FBN2: variants seen among roughly 807,000 people sequenced by gnomAD.
The protein encoded by FBN2 is fibrillin 2, also known as fibrillin-2.
Under a neutral mutation model 355.6 loss-of-function variants are expected in FBN2, and 105 were observed. The ratio of observed to expected loss-of-function variants is 0.30; its 90% CI spans 0.25 to 0.35. The LOEUF is 0.35. FBN2 is among the 10% of genes least tolerant of loss of function. The pLI is 1.00. For missense variants in FBN2, 3,280 were observed against 3,758.7 expected (o/e 0.87, Z 3.33); for synonymous variants, 1,350 against 1,301.2 (o/e 1.04, Z -0.81).
intron 5 of FBN2, among the ~76,000 whole-genome samples, chr5:128,506,650 A>C (rs1755970189): frequency 6.6e-6 from 1 of 152,102 alleles, no homozygotes; most frequent in Non-Finnish European, 1.5e-5. Flanking sequence ...ATTTCTTTGT[A>C]TTGCCTATTG....
intron 6 of FBN2, among the ~76,000 whole-genome samples, chr5:128,447,618 C>T (rs942658163): frequency 2.0e-4 from 30 of 152,214 alleles, no homozygotes; most frequent in Admixed American, 9.2e-4. Flanking sequence ...CCCGGTCCTG[C>T]GATCTTGCCC....
intron 5 of FBN2, among the ~76,000 whole-genome samples, chr5:128,506,450 C>T (rs1162812826): frequency 6.6e-6 from 1 of 152,070 alleles, no homozygotes. Context: ...TTGTTTTCAA[C>T]TTAGATTTTC....
intron 5 of FBN2, among the ~76,000 whole-genome samples, chr5:128,484,757 G>T (rs1248779028): frequency 6.6e-6 from 1 of 152,156 alleles, no homozygotes; most frequent in Admixed American, 6.6e-5. Flanking sequence ...CACAGAGAGA[G>T]GTATGAAAGG....
intron 11 of FBN2, among the ~76,000 whole-genome samples, chr5:128,381,512 C>A (rs562131547): frequency 6.6e-6 from 1 of 152,168 alleles, no homozygotes; most frequent in African/African-American, 2.4e-5. Flanking sequence ...TAATTAATAT[C>A]CTCTTCACTT....
chr5:128,332,076 C>A (rs1259536702), intron 32 of FBN2, among the ~76,000 whole-genome samples: 1 of 152,058 alleles, frequency 6.6e-6, no homozygotes, highest in Non-Finnish European at 1.5e-5. Flanking sequence ...AGTACATAAA[C>A]TTTTGATAAG....
At chr5:128,393,503 C>A in intron 9 of FBN2, 135 bp from the exon 10 acceptor site, 1 of 706,116 alleles carries the variant, frequency 1.4e-6, no homozygotes, top group South Asian at 1.7e-5. Flanking sequence ...TATCTCAATA[C>A]ATGTTTTTAA....
In FBN2 at chr5:128,309,293, G is replaced by A; in HGVS notation, c.5307C>T (p.Gly1769=). The A allele has an allele frequency of 1.2e-6, 2 of 1,614,096 alleles. No individual in the cohort carries two copies. The highest frequency in any genetic ancestry group is 1.3e-5 in the African/African-American group (1 of 75,044). The change falls in exon 41 of 65, where the codon GGC becomes GGT. Residue 1769 remains glycine, a synonymous_variant. Transcript: ENST00000262464. ...KRMCCCTYNV[G]KAWNKPCEPC... is the part of the protein sequence containing the mutation. ...GTTCACAAGGTTTGTTCCAGGCTTT[G>A]CCCACATTATATGTGCAGCAGCACA...
At chr5:128,441,401 T>C (rs568220273) in intron 7 of FBN2, among the ~76,000 whole-genome samples, 3 of 152,252 alleles carry the variant, frequency 2.0e-5, no homozygotes, top group South Asian at 4.1e-4. Context: ...AGCAAAAGCT[T>C]TGGAGTCAAT....
At chr5:128,334,983 A>T in intron 30 of FBN2, 139 bp from the exon 31 acceptor site, 1 of 1,150,822 alleles carries the variant, frequency 8.7e-7, no homozygotes. Context: ...CGTGTTATAG[A>T]TAAATATACA....
intron 8 of FBN2, among the ~76,000 whole-genome samples, chr5:128,395,591 G>A (rs1201777617): frequency 6.6e-6 from 1 of 152,214 alleles, no homozygotes; most frequent in African/African-American, 2.4e-5. Flanking sequence ...TGATTTTGTG[G>A]TTGTCTGTAA....
At chr5:128,537,324 A>G in intron 1 of FBN2, 26 bp downstream of exon 1, 5 of 1,608,348 alleles carry the variant, frequency 3.1e-6, no homozygotes, top group South Asian at 1.1e-5. Flanking sequence ...CCGGAGCCCT[A>G]GGTGCGGAGC....
At chr5:128,525,194 C>T (rs6595836) in intron 4 of FBN2, among the ~76,000 whole-genome samples, 19,997 of 152,040 alleles carry the variant, frequency 0.13, 2,160 homozygotes, top group African/African-American at 0.29. Flanking sequence ...CAAGGCAAGG[C>T]GCTTTCTTCA....
At chr5:128,391,773 T>C (rs935732546) in intron 11 of FBN2, among the ~76,000 whole-genome samples, 2 of 152,028 alleles carry the variant, frequency 1.3e-5, no homozygotes, top group African/African-American at 4.8e-5. Context: ...CTAAGGAGAA[T>C]GGAAAGGGAG....
intron 18 of FBN2, among the ~76,000 whole-genome samples, chr5:128,362,178 A>T (rs1438855024): frequency 6.6e-6 from 1 of 152,226 alleles, no homozygotes; most frequent in African/African-American, 2.4e-5. Context: ...AGATATCAAA[A>T]GGTTAAATTC....
chr5:128,377,928 T>C (rs1157151096), intron 12 of FBN2, 51 bp from the exon 13 acceptor site: 2 of 1,499,444 alleles, frequency 1.3e-6, no homozygotes, highest in South Asian at 2.3e-5. Context: ...TACTTATAGA[T>C]AAACACAGTA....
intron 16 of FBN2, among the ~76,000 whole-genome samples, chr5:128,367,526 C>G (rs1472211088): frequency 6.6e-6 from 1 of 151,932 alleles, no homozygotes; most frequent in African/African-American, 2.4e-5. Flanking sequence ...TTCCAGATTA[C>G]TTGTGTATTT....
intron 5 of FBN2, among the ~76,000 whole-genome samples, chr5:128,498,864 G>C (rs1290327684): frequency 6.6e-6 from 1 of 152,042 alleles, no homozygotes; most frequent in Non-Finnish European, 1.5e-5. Context: ...TTTAGTTTTA[G>C]CAAGATTTGT....
intron 6 of FBN2, among the ~76,000 whole-genome samples, chr5:128,453,238 C>G (rs867198404): frequency 4.6e-5 from 7 of 152,208 alleles, no homozygotes; most frequent in African/African-American, 1.7e-4. Flanking sequence ...CTATCTCGAT[C>G]TTATCTTCAC....
Position 128,300,731 on chromosome 5 carries a change from G to C in FBN2, c.6166+86C>G, listed in dbSNP as rs962748292. On this transcript the variant is annotated intron_variant, in intron 48 of 64. Coordinates refer to ENST00000262464, the MANE Select transcript of FBN2 (RefSeq NM_001999.4). The stretch of plus-strand genomic sequence containing the variant: ...TCCTTAGGTCAGCATGCTTGCAGTG[G>C]TTGGCACTTAGTATGTTTCCAGAGT... 7 of 1,358,614 alleles carry C rather than the reference G, an allele frequency of 5.2e-6. No individual in the cohort carries two copies. The African/African-American group carries it at 8.6e-5, about 17-fold the overall frequency. The allele number at this position is 1,358,614 out of a possible 1,614,324, so 84.2% of individuals were successfully genotyped here.
Sources: gnomAD v4.1 joint callset for allele counts (sites outside exome capture counted in the v4.1 genomes callset) on GRCh38, gnomAD v4.1.1 for gene constraint, MANE v1.5 for transcripts, NCBI Gene and HGNC (gene_info 2026-07-23, HGNC 2026-07-21) for gene names.